The following MAF variants were observed in gnomAD, a reference collection of about 807,000 sequenced individuals.
MAF encodes the protein transcription factor Maf.
Under a neutral mutation model 22.0 loss-of-function variants are expected in MAF, and 10 were observed. The ratio of observed to expected loss-of-function variants is 0.45; its 90% CI spans 0.28 to 0.77. The LOEUF is 0.77. Ranked by LOEUF, MAF falls within the 30% of genes least tolerant of loss-of-function variation. The pLI is 0.12. For synonymous variants in MAF, 337 were observed against 255.8 expected (o/e 1.32, Z -3.03); for missense variants, 544 against 548.4 (o/e 0.99, Z 0.08).
chr16:79,329,600 T>C, the MAF span, among the ~76,000 whole-genome samples: 7 of 152,178 alleles, frequency 4.6e-5, no homozygotes, highest in African/African-American at 1.7e-4. Context: ...AGAAATATGA[T>C]GGAAGTGGTT....
the MAF span, among the ~76,000 whole-genome samples, chr16:79,529,232 C>T: frequency 2.0e-5 from 3 of 152,130 alleles, no homozygotes; most frequent in African/African-American, 7.2e-5. Flanking sequence ...GTTACACCTT[C>T]CCATGCGCCA....
chr16:79,320,112 G>C, the MAF span, among the ~76,000 whole-genome samples: 1 of 152,166 alleles, frequency 6.6e-6, no homozygotes, highest in Non-Finnish European at 1.5e-5. Context: ...GTACAAAGTG[G>C]AGTATCAGGG....
the MAF span, among the ~76,000 whole-genome samples, chr16:79,233,517 A>G: frequency 2.0e-5 from 3 of 152,062 alleles, no homozygotes; most frequent in African/African-American, 7.2e-5. Context: ...AAGATGCATC[A>G]GTAGCTAAGC....
At chr16:79,508,148 T>C in the MAF span, among the ~76,000 whole-genome samples, 2 of 152,124 alleles carry the variant, frequency 1.3e-5, no homozygotes, top group Admixed American at 6.5e-5. Context: ...GAGTCATTCA[T>C]TGCAAACCCT....
chr16:79,482,567 G>C, the MAF span, among the ~76,000 whole-genome samples: 2 of 152,144 alleles, frequency 1.3e-5, no homozygotes, highest in African/African-American at 4.8e-5. Flanking sequence ...AGAATGAGGA[G>C]TTCACCAACT....
chr16:79,272,222 C>T, the MAF span, among the ~76,000 whole-genome samples: 2 of 152,212 alleles, frequency 1.3e-5, no homozygotes, highest in African/African-American at 2.4e-5. Flanking sequence ...AGGCGTTGAG[C>T]GGTGCTCTCT....
the MAF span, among the ~76,000 whole-genome samples, chr16:79,436,286 T>A: frequency 3.6e-4 from 55 of 152,300 alleles, no homozygotes; most frequent in South Asian, 0.011. Context: ...TTTTGCCATG[T>A]TGGCCAGACT....
the MAF span, among the ~76,000 whole-genome samples, chr16:79,402,830 G>A: frequency 6.6e-6 from 1 of 152,190 alleles, no homozygotes; most frequent in Non-Finnish European, 1.5e-5. Flanking sequence ...ATGCCTGGGT[G>A]TCCATGGGGG....
the MAF span, among the ~76,000 whole-genome samples, chr16:79,443,225 CAAACTGTT>C: frequency 1.3e-5 from 2 of 152,182 alleles, no homozygotes; most frequent in Non-Finnish European, 2.9e-5. Flanking sequence ...TCCTCCTGGG[CAAACTGTT>C]AAACTGGGAC....
At chr16:79,455,450 G>C in the MAF span, among the ~76,000 whole-genome samples, 1 of 152,152 alleles carries the variant, frequency 6.6e-6, no homozygotes, top group African/African-American at 2.4e-5. Context: ...CATACATATA[G>C]TGGATGCTAC....
chr16:79,526,753 C>G, the MAF span, among the ~76,000 whole-genome samples: 1 of 152,144 alleles, frequency 6.6e-6, no homozygotes, highest in Non-Finnish European at 1.5e-5. Flanking sequence ...ATACTCCCAC[C>G]ATGGACAATT....
chr16:79,418,440 G>A, the MAF span, among the ~76,000 whole-genome samples: 1 of 152,104 alleles, frequency 6.6e-6, no homozygotes, highest in African/African-American at 2.4e-5. Context: ...CAGACAGAAA[G>A]AAAATTTAGC....
the MAF span, among the ~76,000 whole-genome samples, chr16:79,343,813 T>C: frequency 6.6e-6 from 1 of 152,202 alleles, no homozygotes; most frequent in African/African-American, 2.4e-5. Flanking sequence ...AAATGGTTTA[T>C]TGACTTGGTC....
the MAF span, among the ~76,000 whole-genome samples, chr16:79,242,172 C>G: frequency 5.3e-5 from 8 of 152,020 alleles, no homozygotes; most frequent in East Asian, 1.4e-3. Flanking sequence ...ATGGCAGGAT[C>G]AAATTCACAC....
chr16:79,457,734 T>A, the MAF span, among the ~76,000 whole-genome samples: 1 of 152,114 alleles, frequency 6.6e-6, no homozygotes, highest in Non-Finnish European at 1.5e-5. Context: ...AAATGAGGAT[T>A]AAGCTTAATA....
the MAF span, among the ~76,000 whole-genome samples, chr16:79,314,796 C>T: frequency 6.6e-5 from 10 of 152,146 alleles, no homozygotes; most frequent in African/African-American, 2.2e-4. Flanking sequence ...CACGATGCAC[C>T]TCTCCATCCA....
At chr16:79,375,004 C>A in the MAF span, among the ~76,000 whole-genome samples, 2 of 152,062 alleles carry the variant, frequency 1.3e-5, no homozygotes, top group Admixed American at 1.3e-4. Flanking sequence ...AGTGTTAGTT[C>A]CTCTATGGCC....
chr16:79,294,666 AG>A, the MAF span, among the ~76,000 whole-genome samples: 71 of 152,264 alleles, frequency 4.7e-4, 1 homozygote, highest in East Asian at 2.3e-3. Flanking sequence ...AGAGGAAATT[AG>A]CTTCAGAGAG....
the MAF span, among the ~76,000 whole-genome samples, chr16:79,227,964 C>G: frequency 3.3e-5 from 5 of 152,074 alleles, no homozygotes; most frequent in South Asian, 1.0e-3. Flanking sequence ...ACTGCTATGG[C>G]ACAATTATAG....
Sources: allele counts gnomAD v4.1 joint callset (sites outside exome capture counted in the v4.1 genomes callset), GRCh38; gene constraint gnomAD v4.1.1; transcripts MANE v1.5; gene names NCBI Gene and HGNC (gene_info 2026-07-23, HGNC 2026-07-21).